The following PYGL variants were observed in gnomAD, a reference collection of about 807,000 sequenced individuals.
PYGL encodes the protein glycogen phosphorylase, liver form.
Under a neutral mutation model 100.1 loss-of-function variants are expected in PYGL, and 90 were observed. That is an observed-to-expected ratio of 0.90 (90% CI 0.76 to 1.07). The LOEUF (loss-of-function observed/expected upper bound fraction) is 1.07, where lower values mean the gene tolerates loss of function less well. Ranked by LOEUF, PYGL falls within the 50% of genes least tolerant of loss-of-function variation. The pLI is 0.00. For missense variants in PYGL, 1,016 were observed against 1,057.6 expected, an observed-to-expected ratio of 0.96 and a Z score of 0.55; for synonymous variants, 373 against 393.0, an observed-to-expected ratio of 0.95 and a Z score of 0.60.
At chr14:50,921,400 T>A (rs75158679) in intron 5 of PYGL, 3,959 of 199,010 alleles carry the variant, frequency 0.02, 40 homozygotes, top group African/African-American at 0.031. Flanking sequence ...AAGTTTATCT[T>A]TTTTTTTTTT....
At position 50,933,779 on chromosome 14, in the gene PYGL, CAT is replaced by C. The variant is rs2050626071; in HGVS notation, c.424+1326_424+1327del. ...ACACACATATATACACACACACACA[CAT>C]ATATGTCTGGAATATATATCTTCCA... On this transcript the variant is annotated intron_variant, in intron 3 of 19. Transcript: ENST00000216392. Among the ~76,000 whole-genome samples, 5 of 151,868 alleles carry C rather than the reference CAT, an allele frequency of 3.3e-5. 1 individual carries two copies. The highest frequency in any genetic ancestry group is 3.3e-4 in the Admixed American group (5 of 15,238).
chr14:50,937,229 GT>G (rs1469575444), intron 2 of PYGL, among the ~76,000 whole-genome samples: 3 of 152,166 alleles, frequency 2.0e-5, no homozygotes, highest in Admixed American at 6.5e-5. Context: ...GCACATTAGG[GT>G]TAAGACTTCA....
In PYGL at chr14:50,943,006, C is replaced by A. The variant is rs994023031; in HGVS notation, c.243+1155G>T. Among the ~76,000 whole-genome samples the A allele has an allele frequency of 2.0e-5, 3 of 152,158 alleles. No individual in the cohort carries two copies. The East Asian group carries it at 5.8e-4, about 29-fold the overall frequency. On this transcript the variant is annotated intron_variant, in intron 1 of 19. Coordinates refer to ENST00000216392, the MANE Select transcript of PYGL (RefSeq NM_002863.5). Reference sequence around the variant, plus strand: ...TTCCATTTGAAAACTGTTACAGTTGCAATTTCTTACTATGAGAATTTACAT... The same window carrying A: ...TTCCATTTGAAAACTGTTACAGTTGAAATTTCTTACTATGAGAATTTACAT...
In PYGL at chr14:50,931,771, A is replaced by G. The variant is rs746639258; in HGVS notation, c.430T>C (p.Phe144Leu). Residue 144 changes from phenylalanine (F) to leucine (L), a missense_variant, in exon 4 of 20, where the codon TTC becomes CTC. Coordinates refer to ENST00000216392, the MANE Select transcript of PYGL (RefSeq NM_002863.5). Reference sequence around the variant, plus strand: ...CCCAGGGTTGCCATGGAATCCAAGAAGCAGGCTACATTCAACAGAGCACAG... The same window carrying G: ...CCCAGGGTTGCCATGGAATCCAAGAGGCAGGCTACATTCAACAGAGCACAG... Reference protein sequence around the residue: ...NGGLGRLAACFLDSMATLGLA... With the variant: ...NGGLGRLAACLLDSMATLGLA... The G allele has an allele frequency of 1.2e-6, 2 of 1,613,564 alleles. No homozygotes were observed. Among genetic ancestry groups the G allele is most frequent in the Non-Finnish European group, 1.7e-6 (2 of 1,179,668 alleles).
chr14:50,932,587 C>G (rs1400380998), intron 3 of PYGL, among the ~76,000 whole-genome samples: 2 of 152,202 alleles, frequency 1.3e-5, no homozygotes, highest in Non-Finnish European at 2.9e-5. Context: ...GGCCTTACCT[C>G]TGGAGTTCTT....
At position 50,920,567 on chromosome 14, in the gene PYGL, A is replaced by G. The variant is rs1461231984; in HGVS notation, c.829T>C (p.Ser277Pro). The change falls in exon 7 of 20, where the codon TCC (serine) becomes CCC (proline). Residue 277 changes from serine (S) to proline (P), a missense_variant. Ser to Pro is a moderately conservative substitution (Grantham distance 74). Coordinates refer to ENST00000216392, the MANE Select transcript of PYGL (RefSeq NM_002863.5). ...VLDRNLAENI[S>P]RVLYPNDNFF... The stretch of plus-strand genomic sequence containing the variant: ...TTGTCATTGGGATAGAGGACCCGGG[A>G]GATGTTCTCGGCCAGGTTTCGGTCC... The G allele has an allele frequency of 6.8e-6, 11 of 1,613,326 alleles. No individual in the cohort carries two copies. Among genetic ancestry groups the G allele is most frequent in the Admixed American group, 1.7e-5 (1 of 60,000 alleles).
At chr14:50,915,057 A>G (rs1478035662) in intron 11 of PYGL, 9 of 619,858 alleles carry the variant, frequency 1.5e-5, no homozygotes, top group Non-Finnish European at 2.0e-5. Context: ...TCACACTGAC[A>G]TATATACTAC....
chr14:50,928,643 T>TATTTTCC (rs60921942), intron 4 of PYGL, among the ~76,000 whole-genome samples: 34,323 of 151,880 alleles, frequency 0.23, 4,280 homozygotes, highest in East Asian at 0.45. Flanking sequence ...GCAACACAAT[T>TATTTTCC]TCAGGGGGTG....
At chr14:50,914,563 T>G in intron 12 of PYGL, 138 bp downstream of exon 12, 1 of 686,062 alleles carries the variant, frequency 1.5e-6, no homozygotes, top group Admixed American at 2.0e-5. Flanking sequence ...AAACCCAGCA[T>G]GGAGTCCTGT....
chr14:50,937,964 G>A, intron 1 of PYGL, 127 bp from the exon 2 acceptor site: 1 of 834,914 alleles, frequency 1.2e-6, no homozygotes, highest in Non-Finnish European at 2.0e-6. Context: ...CCACAGGTTC[G>A]AATGAGACTC....
chr14:50,928,615 G>A (rs2050576195), intron 4 of PYGL, among the ~76,000 whole-genome samples: 1 of 151,292 alleles, frequency 6.6e-6, no homozygotes, highest in Admixed American at 6.7e-5. Context: ...GAGAGGAGAT[G>A]GTAAATATAG....
intron 19 of PYGL, among the ~76,000 whole-genome samples, chr14:50,906,728 A>G (rs1283124036): frequency 1.3e-5 from 2 of 152,180 alleles, no homozygotes; most frequent in East Asian, 3.8e-4. Context: ...TGCGGCCTGT[A>G]TATGGCTTTT....
intron 7 of PYGL, among the ~76,000 whole-genome samples, chr14:50,917,499 C>T (rs1051970038): frequency 6.6e-6 from 1 of 152,162 alleles, no homozygotes; most frequent in African/African-American, 2.4e-5. Flanking sequence ...TTGGTAGTAC[C>T]AAGTACTGGG....
chr14:50,931,119 G>T (rs1217827835), intron 4 of PYGL, among the ~76,000 whole-genome samples: 1 of 152,100 alleles, frequency 6.6e-6, no homozygotes, highest in Non-Finnish European at 1.5e-5. Flanking sequence ...CACTTGGTTT[G>T]TGTCTTGTAA....
At chr14:50,906,125 G>A (rs2050334016) in intron 19 of PYGL, among the ~76,000 whole-genome samples, 2 of 152,104 alleles carry the variant, frequency 1.3e-5, no homozygotes, top group African/African-American at 4.8e-5. Flanking sequence ...TCAAAACAGG[G>A]TCAATTGAGT....
At chr14:50,917,667 G>A (rs1161290164) in intron 7 of PYGL, among the ~76,000 whole-genome samples, 1 of 151,392 alleles carries the variant, frequency 6.6e-6, no homozygotes, top group Non-Finnish European at 1.5e-5. Context: ...GGACCGTGTG[G>A]AGAACCACAA....
chr14:50,934,851 A>G (rs935323111), intron 3 of PYGL, among the ~76,000 whole-genome samples: 10 of 152,184 alleles, frequency 6.6e-5, no homozygotes, highest in South Asian at 2.1e-4. Flanking sequence ...AACATTTAAC[A>G]TACTCTTAAG....
At position 50,944,157 on chromosome 14, in the gene PYGL, T is replaced by A. The variant is rs2050727879; in HGVS notation, c.243+4A>T. ...CCCCGGCCCGCCGTCCCGCCCCCGG[T>A]TACCTTGGGGCACTTGTCGTAGTAG... On this transcript the variant is annotated splice_donor_region_variant and intron_variant, in intron 1 of 19. Coordinates refer to ENST00000216392, the MANE Select transcript of PYGL (RefSeq NM_002863.5). 6.2e-7 allele frequency: 1 copy of A among 1,601,514 alleles called. No individual in the cohort carries two copies. The highest frequency in any genetic ancestry group is 1.1e-5 in the South Asian group (1 of 90,776).
chr14:50,919,004 T>C (rs1199184711), intron 7 of PYGL, among the ~76,000 whole-genome samples: 1 of 152,114 alleles, frequency 6.6e-6, no homozygotes, highest in Non-Finnish European at 1.5e-5. Context: ...GTAATTACAG[T>C]ATAAAAGGAT....
Sources: gnomAD v4.1 joint callset for allele counts (sites outside exome capture counted in the v4.1 genomes callset) on GRCh38, gnomAD v4.1.1 for gene constraint, MANE v1.5 for transcripts, NCBI Gene and HGNC (gene_info 2026-07-23, HGNC 2026-07-21) for gene names.